PATJ: variants seen among roughly 807,000 people sequenced by gnomAD.
PATJ encodes inaD-like protein.
A neutral mutation model predicts 224.9 loss-of-function variants in PATJ; 190 were observed. The observed-to-expected ratio is 0.84, with a 90% CI of 0.75 to 0.95. The LOEUF is 0.95. Among genes scored for constraint, PATJ ranks in the 40% least tolerant of loss-of-function variants. The probability of loss-of-function intolerance (pLI) is 0.00; values close to 1 mark genes in which losing one functional copy is unlikely to be tolerated. For synonymous variants in PATJ, 769 were observed against 820.3 expected (o/e 0.94, Z 1.07); for missense variants, 2,121 against 2,270.3 (o/e 0.93, Z 1.34).
chr1:62,003,952 C>T (rs1556484), intron 28 of PATJ, among the ~76,000 whole-genome samples: 22,290 of 152,202 alleles, frequency 0.15, 2,031 homozygotes, highest in Non-Finnish European at 0.21. Context: ...TACAGAGAGA[C>T]CTTGAGTTTC....
chr1:62,145,006 A>T (rs1189450068), intron 41 of PATJ, among the ~76,000 whole-genome samples: 1 of 151,880 alleles, frequency 6.6e-6, no homozygotes, highest in Non-Finnish European at 1.5e-5. Flanking sequence ...GTAGAGACAG[A>T]GTTTTGCCAT....
intron 41 of PATJ, among the ~76,000 whole-genome samples, chr1:62,144,771 A>ATATATATATATATATATAT (rs1439255158): frequency 0.015 from 1,071 of 72,806 alleles, 66 homozygotes; most frequent in East Asian, 0.059. Flanking sequence ...ATTTGCAAAA[A>ATATATATATATATATATAT]AAAAAAATAT....
At chr1:61,805,545 A>T in intron 13 of PATJ, 21 bp downstream of exon 13, 1 of 1,382,924 alleles carries the variant, frequency 7.2e-7, no homozygotes, top group South Asian at 1.2e-5. Context: ...ATGCTCTAAT[A>T]AAAAACATTC....
At chr1:62,061,031 G>T (rs907853046) in intron 31 of PATJ, among the ~76,000 whole-genome samples, 1 of 151,656 alleles carries the variant, frequency 6.6e-6, no homozygotes, top group African/African-American at 2.4e-5. Flanking sequence ...ACATGTGCAG[G>T]TTTGTCATAA....
At chr1:61,972,713 C>G (rs564087327) in intron 27 of PATJ, among the ~76,000 whole-genome samples, 1 of 152,164 alleles carries the variant, frequency 6.6e-6, no homozygotes, top group African/African-American at 2.4e-5. Flanking sequence ...AAGTTAAATA[C>G]TTTACATTCT....
At chr1:61,833,479 T>C in intron 16 of PATJ, 175 bp from the exon 17 acceptor site, 1 of 522,296 alleles carries the variant, frequency 1.9e-6, no homozygotes, top group Non-Finnish European at 3.3e-6. Context: ...TAAGATCTTA[T>C]CCTGGAGTGT....
At chr1:62,123,264 C>G (rs907745861) in intron 39 of PATJ, among the ~76,000 whole-genome samples, 6 of 152,026 alleles carry the variant, frequency 3.9e-5, no homozygotes, top group Admixed American at 1.3e-4. Flanking sequence ...TTTGGCAAAT[C>G]TCATCCACTA....
intron 27 of PATJ, among the ~76,000 whole-genome samples, chr1:61,974,575 C>T (rs1644023683): frequency 6.6e-6 from 1 of 151,802 alleles, no homozygotes. Flanking sequence ...TGTACTCCAT[C>T]CAGGGTGACA....
intron 19 of PATJ, among the ~76,000 whole-genome samples, chr1:61,862,193 T>A (rs1293626037): frequency 6.7e-6 from 1 of 149,764 alleles, no homozygotes. Context: ...TATATATAGT[T>A]GTTGTTGTTA....
At chr1:62,114,482 T>C (rs962451478) in intron 35 of PATJ, 1 of 398,340 alleles carries the variant, frequency 2.5e-6, no homozygotes, top group East Asian at 5.1e-5. Flanking sequence ...CTGTACAGAG[T>C]AAGAACAACT....
intron 5 of PATJ, among the ~76,000 whole-genome samples, chr1:61,769,953 C>A (rs1409670167): frequency 6.6e-6 from 1 of 152,034 alleles, no homozygotes; most frequent in African/African-American, 2.4e-5. Context: ...CCCATGTTTG[C>A]ATTTGCTTTT....
chr1:61,796,753 C>CTTTCTTTCTTTT (rs1651386170), intron 10 of PATJ, among the ~76,000 whole-genome samples: 1 of 120,858 alleles, frequency 8.3e-6, no homozygotes, highest in African/African-American at 3.4e-5. Flanking sequence ...TTTTTTCTTC[C>CTTTCTTTCTTTT]TTTCTTCCTT....
chr1:62,001,301 T>A (rs1269851267), intron 28 of PATJ, among the ~76,000 whole-genome samples: 1 of 151,296 alleles, frequency 6.6e-6, no homozygotes, highest in Admixed American at 6.6e-5. Flanking sequence ...TAGGTTTTCT[T>A]CTAGGGTTTT....
chr1:61,840,162 C>T (rs952694074), intron 17 of PATJ, among the ~76,000 whole-genome samples: 1 of 151,856 alleles, frequency 6.6e-6, no homozygotes, highest in African/African-American at 2.4e-5. Context: ...GTAGTTTTGA[C>T]TGCCTATTAA....
chr1:61,896,583 G>T (rs1670400009), intron 22 of PATJ, among the ~76,000 whole-genome samples: 1 of 152,114 alleles, frequency 6.6e-6, no homozygotes, highest in Non-Finnish European at 1.5e-5. Context: ...TGGCATGATT[G>T]CTTATAAAAT....
At chr1:62,000,428 A>G (rs949548735) in intron 28 of PATJ, among the ~76,000 whole-genome samples, 2 of 137,342 alleles carry the variant, frequency 1.5e-5, no homozygotes, top group East Asian at 2.2e-4. Flanking sequence ...ATTCCCATCT[A>G]TGAGTGAGAA....
chr1:62,101,947 G>T (rs1392103302), intron 33 of PATJ, among the ~76,000 whole-genome samples: 7 of 152,178 alleles, frequency 4.6e-5, no homozygotes, highest in African/African-American at 1.7e-4. Flanking sequence ...AGTAGACTGA[G>T]ACAGAAGGAT....
chr1:62,007,426 T>G (rs1289961787), intron 28 of PATJ, among the ~76,000 whole-genome samples: 2 of 152,226 alleles, frequency 1.3e-5, no homozygotes, highest in Non-Finnish European at 2.9e-5. Context: ...GAAAGCTTTT[T>G]CCCTTTTTCT....
At chr1:61,812,433 A>AGAGAGAGAGTGTGTGTGT (rs1397549346) in intron 14 of PATJ, among the ~76,000 whole-genome samples, 4 of 85,202 alleles carry the variant, frequency 4.7e-5, no homozygotes, top group Non-Finnish European at 7.1e-5. Flanking sequence ...AGAGAGAGAG[A>AGAGAGAGAGTGTGTGTGT]GTGTGTGTGT....
Sources: gnomAD v4.1 joint callset for allele counts (sites outside exome capture counted in the v4.1 genomes callset) on GRCh38, gnomAD v4.1.1 for gene constraint, MANE v1.5 for transcripts, NCBI Gene and HGNC (gene_info 2026-07-23, HGNC 2026-07-21) for gene names.